Variants in SMYD4 observed in about 807,000 individuals in gnomAD.
The protein encoded by SMYD4 is SET and MYND domain containing 4.
In SMYD4, 68 loss-of-function variants were observed where a neutral mutation model predicts 72.8. That is an observed-to-expected ratio of 0.93 (90% CI 0.77 to 1.14). SMYD4 has a LOEUF of 1.14. Ranked by LOEUF, SMYD4 falls within the 50% of genes most tolerant of loss-of-function variation. The probability of loss-of-function intolerance (pLI) is 0.00; values close to 1 mark genes in which losing one functional copy is unlikely to be tolerated. For missense variants in SMYD4, 984 were observed against 1,003.7 expected (o/e 0.98, Z 0.27); for synonymous variants, 407 against 388.6 (o/e 1.05, Z -0.56).
chr17:1,787,288 C>A, intron 6 of SMYD4, 134 bp downstream of exon 6: 1 of 1,200,032 alleles, frequency 8.3e-7, no homozygotes, highest in Non-Finnish European at 1.2e-6. Context: ...TTGTTTTTGG[C>A]CTAAGTGTTC....
intron 6 of SMYD4, 23 bp downstream of exon 6, chr17:1,787,399 G>A: frequency 6.4e-7 from 1 of 1,551,240 alleles, no homozygotes; most frequent in Non-Finnish European, 8.7e-7. Flanking sequence ...AGGGCAGGAT[G>A]GCAGTGCGGA....
At chr17:1,792,412 G>T (rs907367471) in intron 5 of SMYD4, among the ~76,000 whole-genome samples, 1 of 151,996 alleles carries the variant, frequency 6.6e-6, no homozygotes, top group Non-Finnish European at 1.5e-5. Flanking sequence ...ACTTTGGGAG[G>T]CCAAGGTGGG....
chr17:1,805,853 T>C (rs1597385255), intron 3 of SMYD4, among the ~76,000 whole-genome samples: 1 of 150,076 alleles, frequency 6.7e-6, no homozygotes, highest in East Asian at 1.9e-4. Flanking sequence ...TATATATATA[T>C]GTATAAGTAG....
At position 1,784,423 on chromosome 17, in the gene SMYD4, T is replaced by C. The variant is rs1277766894; in HGVS notation, c.1923A>G (p.Ala641=). 2 of 1,614,238 alleles carry C rather than the reference T, an allele frequency of 1.2e-6. No individual in the cohort carries two copies. Among genetic ancestry groups the C allele is most frequent in the East Asian group, 4.5e-5 (2 of 44,892 alleles). Residue 641 remains alanine, a synonymous_variant, in exon 8 of 11, where the codon GCA becomes GCG. Coordinates refer to ENST00000305513, the MANE Select transcript of SMYD4 (RefSeq NM_052928.3). ...DVLRCGSRSC[A]ESAVSRDHLV... Reference sequence around the variant, plus strand: ...GGTGGTCCCTGCTGACGGCGGATTCTGCACAAGATCTGCTGCCACAGCGCA... The same window carrying C: ...GGTGGTCCCTGCTGACGGCGGATTCCGCACAAGATCTGCTGCCACAGCGCA...
intron 8 of SMYD4, 143 bp from the exon 9 acceptor site, chr17:1,783,619 G>T: frequency 7.2e-7 from 1 of 1,381,164 alleles, no homozygotes; most frequent in Non-Finnish European, 9.6e-7. Context: ...AACGCACAAT[G>T]TCTGTTCCAA....
rs771114202 is a variant in SMYD4 at position 1,800,758 on chromosome 17, C to T, written c.636G>A (p.Leu212=). ...GCGCTGCATCCTCAAGGGTTTTGGC[C>T]AGAGCTGCTGGGAAGCTTTCTGTGA... ...DSLTESFPAA[L]AKTLEDAALR... The change falls in exon 5 of 11, where the codon CTG becomes CTA. Residue 212 remains leucine (L), a synonymous_variant. Transcript: ENST00000305513. 13 of 1,614,066 alleles carry T rather than the reference C, an allele frequency of 8.1e-6. No homozygotes were observed. Among genetic ancestry groups the T allele is most frequent in the Non-Finnish European group, 1.1e-5 (13 of 1,180,030 alleles).
Position 1,781,414 on chromosome 17 carries a change from T to C in SMYD4, c.2287A>G (p.Thr763Ala), listed in dbSNP as rs1395465733. 1 of 1,614,060 alleles carries C rather than the reference T, an allele frequency of 6.2e-7. No individual in the cohort carries two copies. The highest frequency in any genetic ancestry group is 1.7e-5 in the Admixed American group (1 of 59,980). Residue 763 changes from threonine (T) to alanine (A), a missense_variant, in exon 11 of 11, where the codon ACA becomes GCA. Coordinates refer to ENST00000305513, the MANE Select transcript of SMYD4 (RefSeq NM_052928.3). ...NGFAVPEALS[T>A]IQKAEEVLSL... ...AGAACCTCCTCAGCTTTCTGTATTG[T>C]GCTCAGGGCTTCGGGTACTGCAAAC...
chr17:1,799,237 G>A (rs1909574223), intron 5 of SMYD4, among the ~76,000 whole-genome samples: 1 of 151,384 alleles, frequency 6.6e-6, no homozygotes, highest in African/African-American at 2.4e-5. Context: ...CCAGCCTGGG[G>A]GTGACAGAGT....
intron 5 of SMYD4, among the ~76,000 whole-genome samples, chr17:1,794,073 ATATATG>A: frequency 2.6e-5 from 1 of 39,114 alleles, no homozygotes; most frequent in African/African-American, 1.1e-4. Context: ...ATATGTGTAT[ATATATG>A]TGTATATATA....
In SMYD4 at chr17:1,799,856, C is replaced by A. The variant is rs1259271280; in HGVS notation, c.1537+1G>T. The A allele has an allele frequency of 6.3e-7, 1 of 1,580,934 alleles. No homozygotes were observed. Among genetic ancestry groups the A allele is most frequent in the Non-Finnish European group, 8.6e-7 (1 of 1,160,222 alleles). ...AGCAGGAACATCAGGTTCCCTCTTA[C>A]CTGTGTGTTGTATGGTGGTCATCGC... On this transcript the variant is annotated splice_donor_variant, in intron 5 of 10. Transcript: ENST00000305513. LOFTEE classifies it high-confidence loss of function.
intron 5 of SMYD4, among the ~76,000 whole-genome samples, chr17:1,792,997 G>A (rs919107209): frequency 7.2e-5 from 11 of 152,054 alleles, no homozygotes; most frequent in Admixed American, 3.9e-4. Flanking sequence ...AGCTCACGGC[G>A]GCCTCGACCT....
In SMYD4 at chr17:1,812,259, G is replaced by A. The variant is rs201704228; in HGVS notation, c.135-144C>T. 54 of 995,796 alleles carry A rather than the reference G, an allele frequency of 5.4e-5. No individual in the cohort carries two copies. In the East Asian group the frequency reaches 1.3e-3, roughly 24 times the overall value. 61.7% of individuals were successfully genotyped at this position (995,796 alleles called of 1,614,324 possible). A position where few individuals can be genotyped will look rare whatever the true frequency, so the allele number is the denominator to read the frequency against. The stretch of plus-strand genomic sequence containing the variant: ...ATGTACATTGTGCAATGTGATTAGA[G>A]GAAAGAAATCTCATAGTCTCAGAGA... On this transcript the variant is annotated intron_variant, in intron 2 of 10. Coordinates refer to ENST00000305513, the MANE Select transcript of SMYD4 (RefSeq NM_052928.3).
chr17:1,790,512 T>C (rs929537447), intron 5 of SMYD4, among the ~76,000 whole-genome samples: 4 of 151,990 alleles, frequency 2.6e-5, no homozygotes, highest in Non-Finnish European at 4.4e-5. Context: ...CCCTAGTGCA[T>C]TTCTTTTTAT....
intron 2 of SMYD4, among the ~76,000 whole-genome samples, chr17:1,826,514 A>AAAG (rs1911185384): frequency 9.4e-5 from 10 of 105,924 alleles, no homozygotes; most frequent in African/African-American, 3.1e-4. Flanking sequence ...AAAAAAAAAA[A>AAAG]AAAAGAAAAG....
chr17:1,792,781 G>A (rs957225751), intron 5 of SMYD4, among the ~76,000 whole-genome samples: 3 of 152,148 alleles, frequency 2.0e-5, no homozygotes, highest in Non-Finnish European at 2.9e-5. Flanking sequence ...TTGCTCACGT[G>A]TGCTTTCAAC....
At chr17:1,819,251 G>A (rs1182562877) in intron 2 of SMYD4, among the ~76,000 whole-genome samples, 2 of 152,140 alleles carry the variant, frequency 1.3e-5, no homozygotes, top group Non-Finnish European at 2.9e-5. Context: ...CAGCTACCCA[G>A]GAGGCCGAGG....
intron 10 of SMYD4, 50 bp downstream of exon 10, chr17:1,782,985 A>C: frequency 6.4e-7 from 1 of 1,567,434 alleles, no homozygotes; most frequent in Non-Finnish European, 8.6e-7. Flanking sequence ...TACCCAGAAG[A>C]GCCTAGGAAA....
intron 3 of SMYD4, among the ~76,000 whole-genome samples, chr17:1,810,649 G>A (rs1339146497): frequency 6.6e-6 from 1 of 152,222 alleles, no homozygotes; most frequent in Non-Finnish European, 1.5e-5. Context: ...ACCCAGGTGA[G>A]GACAAGCACT....
chr17:1,807,530 T>A (rs1307996350), intron 3 of SMYD4, among the ~76,000 whole-genome samples: 2 of 151,472 alleles, frequency 1.3e-5, no homozygotes, highest in Non-Finnish European at 2.9e-5. Flanking sequence ...GCCCAGCTAA[T>A]TTTTCTATTT....
Sources: allele counts gnomAD v4.1 joint callset (sites outside exome capture counted in the v4.1 genomes callset), GRCh38; gene constraint gnomAD v4.1.1; transcripts MANE v1.5; gene names NCBI Gene and HGNC (gene_info 2026-07-23, HGNC 2026-07-21).